Variants in TNNI3K observed in about 807,000 individuals in gnomAD.
The protein encoded by TNNI3K is TNNI3 interacting kinase.
In TNNI3K, 140 loss-of-function variants were observed where a neutral mutation model predicts 114.5. The observed-to-expected ratio is 1.22, with a 90% confidence interval of 1.07 to 1.41. TNNI3K has a LOEUF of 1.41. Ranked by LOEUF, TNNI3K falls within the 40% of genes most tolerant of loss-of-function variation. The pLI is 0.00. For synonymous variants in TNNI3K, 347 were observed against 347.5 expected (o/e 1.00, Z 0.02); for missense variants, 1,125 against 1,007.6 (o/e 1.12, Z -1.58).
chr1:74,341,707 G>C (rs1660755529), intron 7 of TNNI3K: 2 of 152,108 alleles, frequency 1.3e-5, no homozygotes, highest in Admixed American at 6.6e-5. Flanking sequence ...TTCTCACAGT[G>C]AGGAACAACA....
chr1:74,367,440 A>G (rs1662334562), intron 12 of TNNI3K, 98 bp downstream of exon 12: 1 of 1,295,862 alleles, frequency 7.7e-7, no homozygotes, highest in Admixed American at 1.9e-5. Flanking sequence ...GGGGTTAGGG[A>G]GGAGGGCATA....
At chr1:74,330,505 G>A (rs1369366319) in intron 5 of TNNI3K, among the ~76,000 whole-genome samples, 2 of 152,010 alleles carry the variant, frequency 1.3e-5, no homozygotes, top group Non-Finnish European at 2.9e-5. Flanking sequence ...TCTTATTACT[G>A]CTCTACAAAG....
chr1:74,283,496 A>AT (rs1657139535), intron 5 of TNNI3K, among the ~76,000 whole-genome samples: 1 of 152,220 alleles, frequency 6.6e-6, no homozygotes, highest in African/African-American at 2.4e-5. Flanking sequence ...TTTATTAAAC[A>AT]TTAAGTATTG....
At chr1:74,237,645 G>C (rs1356374485) in intron 2 of TNNI3K, among the ~76,000 whole-genome samples, 2 of 151,958 alleles carry the variant, frequency 1.3e-5, no homozygotes, top group African/African-American at 4.8e-5. Context: ...ACAACTACAA[G>C]CTGTTTTGAC....
intron 17 of TNNI3K, among the ~76,000 whole-genome samples, chr1:74,428,517 T>A (rs978665662): frequency 3.3e-5 from 5 of 152,090 alleles, no homozygotes; most frequent in African/African-American, 1.2e-4. Flanking sequence ...AGTGCCCTGA[T>A]AAAATAACGT....
intron 5 of TNNI3K, among the ~76,000 whole-genome samples, chr1:74,276,707 C>T (rs138915521): frequency 2.0e-5 from 3 of 152,214 alleles, no homozygotes; most frequent in African/African-American, 4.8e-5. Context: ...CTAAGTCTGA[C>T]AGGACTCTTT....
chr1:74,508,313 C>T (rs1167293918), intron 23 of TNNI3K, among the ~76,000 whole-genome samples: 1 of 152,142 alleles, frequency 6.6e-6, no homozygotes, highest in Admixed American at 6.5e-5. Context: ...ATAAGTGTAA[C>T]CATACTGAGT....
intron 23 of TNNI3K, among the ~76,000 whole-genome samples, chr1:74,507,189 T>C (rs956913134): frequency 6.6e-6 from 1 of 151,208 alleles, no homozygotes; most frequent in African/African-American, 2.4e-5. Context: ...AATTTGCAAA[T>C]ATCACACATG....
Position 74,289,245 on chromosome 1 carries a change from A to T in TNNI3K, c.444+17537A>T, listed in dbSNP as rs143802985. On this transcript the variant is annotated intron_variant, in intron 5 of 24. Coordinates refer to ENST00000326637, the MANE Select transcript of TNNI3K (RefSeq NM_015978.3). ...ACCATTTTTGACTTAAAAAATGGAT[A>T]TATGCTGTTTTGATTTTTAAAAATT... Among the ~76,000 whole-genome samples the T allele has an allele frequency of 6.4e-3, 968 of 152,126 alleles. 12 individuals carry two copies. Among genetic ancestry groups the T allele is most frequent in the African/African-American group, 0.022 (925 of 41,562 alleles).
Position 74,436,245 on chromosome 1 carries a change from G to A in TNNI3K, c.1825+113G>A, listed in dbSNP as rs184374409. On this transcript the variant is annotated intron_variant, in intron 18 of 24. Coordinates refer to ENST00000326637, the MANE Select transcript of TNNI3K (RefSeq NM_015978.3). ...TGAACACTGACAGCTATACTACACT[G>A]AACACTGACAGCTATCCTACCATAA... 54 of 1,349,212 alleles carry A rather than the reference G, an allele frequency of 4.0e-5. No homozygotes were observed. The African/African-American group carries it at 6.1e-4, about 15-fold the overall frequency. The allele number at this position is 1,349,212 out of a possible 1,614,324, so 83.6% of individuals were successfully genotyped here.
At chr1:74,385,877 A>G (rs1663448397) in intron 17 of TNNI3K, among the ~76,000 whole-genome samples, 1 of 152,234 alleles carries the variant, frequency 6.6e-6, no homozygotes, top group Non-Finnish European at 1.5e-5. Context: ...GGAAAGGCCT[A>G]GAGTATTTAT....
At chr1:74,480,746 C>G (rs1456479304) in intron 21 of TNNI3K, 1 of 717,376 alleles carries the variant, frequency 1.4e-6, no homozygotes, top group Non-Finnish European at 2.6e-6. Flanking sequence ...GTGAAGCTTG[C>G]TGAAGGTGTG....
chr1:74,448,585 T>C (rs1570634129), intron 20 of TNNI3K, among the ~76,000 whole-genome samples: 1 of 140,214 alleles, frequency 7.1e-6, no homozygotes, highest in Non-Finnish European at 1.5e-5. Context: ...TTCAGTATGA[T>C]ATTGGCTGTG....
intron 5 of TNNI3K, among the ~76,000 whole-genome samples, chr1:74,289,482 T>TGGTGAATTAC (rs1657541615): frequency 2.0e-4 from 1 of 5,122 alleles, no homozygotes; most frequent in Non-Finnish European, 7.5e-4. Context: ...CACCCATAGG[T>TGGTGAATTAC]AGTGTCATTA....
At chr1:74,290,964 T>C (rs961418856) in intron 5 of TNNI3K, among the ~76,000 whole-genome samples, 2 of 151,810 alleles carry the variant, frequency 1.3e-5, no homozygotes, top group Non-Finnish European at 3.0e-5. Flanking sequence ...GTGTGCACCA[T>C]GTTCTTTTGT....
chr1:74,446,002 G>A (rs1362044605), intron 20 of TNNI3K, among the ~76,000 whole-genome samples: 6 of 152,190 alleles, frequency 3.9e-5, no homozygotes, highest in East Asian at 1.9e-4. Flanking sequence ...ATAAACATAC[G>A]TGTGCATGTG....
chr1:74,467,506 G>A (rs983960274), intron 21 of TNNI3K, among the ~76,000 whole-genome samples: 8 of 151,606 alleles, frequency 5.3e-5, no homozygotes, highest in Non-Finnish European at 1.2e-4. Flanking sequence ...GTAGAAAAAA[G>A]CCTGATACTA....
chr1:74,370,244 G>T (rs200685206), intron 16 of TNNI3K, 44 bp from the exon 17 acceptor site: 2 of 1,500,486 alleles, frequency 1.3e-6, no homozygotes, highest in Admixed American at 2.0e-5. Flanking sequence ...TTTGATATTC[G>T]TTTTGACCAT....
chr1:74,489,193 G>T lies in TNNI3K; in HGVS notation c.2126G>T (p.Arg709Ile). Residue 709 changes from arginine (R) to isoleucine (I), a missense_variant, in exon 22 of 25, where the codon AGA becomes ATA. Physicochemically the swap from Arg to Ile is moderately conservative, Grantham distance 97 (BLOSUM62 -3). Transcript: ENST00000326637. Reference sequence around the variant, plus strand: ...AGTTCTTTTTTCTATTTACAGGGAAGACCCGAATTTTCTGAAGTTGTCATG... The same window carrying T: ...AGTTCTTTTTTCTATTTACAGGGAATACCCGAATTTTCTGAAGTTGTCATG... ...IRGWNACPEG[R>I]PEFSEVVMKL... 6.2e-7 allele frequency: 1 copy of T among 1,610,632 alleles called. No homozygotes were observed. The highest frequency in any genetic ancestry group is 1.1e-5 in the South Asian group (1 of 90,338).
Sources: gnomAD v4.1 joint callset for allele counts (sites outside exome capture counted in the v4.1 genomes callset) on GRCh38, gnomAD v4.1.1 for gene constraint, MANE v1.5 for transcripts, NCBI Gene and HGNC (gene_info 2026-07-23, HGNC 2026-07-21) for gene names.